Variants in TMEM201 observed in about 807,000 individuals in gnomAD.
TMEM201 encodes the protein transmembrane protein 201, also known as RP13-15M17.2.
Under a neutral mutation model 63.4 loss-of-function variants are expected in TMEM201, and 26 were observed. That is an observed-to-expected ratio of 0.41 (90% CI 0.30 to 0.57). The LOEUF (loss-of-function observed/expected upper bound fraction) is 0.57, where lower values mean the gene tolerates loss of function less well. TMEM201 is among the 20% of genes least tolerant of loss of function. TMEM201 has a pLI of 0.29. For missense variants in TMEM201, 794 were observed against 917.7 expected (o/e 0.87, Z 1.74); for synonymous variants, 417 against 421.6 (o/e 0.99, Z 0.14).
At chr1:9,598,891 C>T (rs1230933345) in intron 4 of TMEM201, among the ~76,000 whole-genome samples, 3 of 151,474 alleles carry the variant, frequency 2.0e-5, no homozygotes, top group East Asian at 1.9e-4. Flanking sequence ...TCTGGTGATC[C>T]GCCTGCCTTG....
At chr1:9,606,041 G>A (rs1245874649) in intron 6 of TMEM201, among the ~76,000 whole-genome samples, 1 of 152,210 alleles carries the variant, frequency 6.6e-6, no homozygotes, top group Non-Finnish European at 1.5e-5. Flanking sequence ...TCCCATGGAG[G>A]GTCATGCCCC....
chr1:9,604,715 C>A lies in TMEM201; in HGVS notation c.1160+2443C>A. On this transcript the variant is annotated intron_variant, in intron 6 of 10. Transcript: ENST00000340381. This position sits in a 1 kb window ranked among gnomAD's most constrained non-coding sequence, Gnocchi z 4.1. ...CCAAGCCGGCCCCCCGTACCCCTTG[C>A]CTGGGAGCAAACCGCCAGGACGCAG... The A allele has an allele frequency of 1.0e-6, 1 of 985,984 alleles. No homozygotes were observed. Among genetic ancestry groups the A allele is most frequent in the Non-Finnish European group, 1.2e-6 (1 of 830,046 alleles). 61.1% of individuals were successfully genotyped at this position (985,984 alleles called of 1,614,324 possible).
chr1:9,590,204 G>T (rs887824852), intron 1 of TMEM201, among the ~76,000 whole-genome samples: 3 of 152,102 alleles, frequency 2.0e-5, no homozygotes, highest in Non-Finnish European at 4.4e-5. Context: ...TCTCCATGTC[G>T]GTTTCTGCTG....
chr1:9,595,488 T>A (rs947334598), intron 1 of TMEM201, among the ~76,000 whole-genome samples: 1 of 151,990 alleles, frequency 6.6e-6, no homozygotes, highest in Non-Finnish European at 1.5e-5. Context: ...CTGGTCCCAG[T>A]CAGCCCTGGT....
intron 6 of TMEM201, chr1:9,602,605 C>G (rs1400617175): frequency 8.1e-7 from 1 of 1,231,188 alleles, no homozygotes; most frequent in African/African-American, 1.5e-5. Flanking sequence ...TGGCTTCCTA[C>G]TGGCAGCTCC....
At chr1:9,592,198 C>T (rs1286904727) in intron 1 of TMEM201, among the ~76,000 whole-genome samples, 1 of 149,252 alleles carries the variant, frequency 6.7e-6, no homozygotes, top group African/African-American at 2.6e-5. Flanking sequence ...CGCTGAAGCC[C>T]AGGAGGCCTC....
Position 9,610,679 on chromosome 1 carries a change from C to G in TMEM201, c.1639C>G (p.Pro547Ala). The G allele has an allele frequency of 6.4e-7, 1 of 1,550,622 alleles. No homozygotes were observed. Among genetic ancestry groups the G allele is most frequent in the Non-Finnish European group, 8.7e-7 (1 of 1,146,908 alleles). The change falls in exon 9 of 11, where the codon CCT (proline) becomes GCT (alanine). Residue 547 changes from proline to alanine, a missense_variant. Physicochemically the swap from Pro to Ala is conservative, Grantham distance 27. Transcript: ENST00000340381. The surrounding 1 kb of genome is among the most constrained non-coding windows in gnomAD (Gnocchi z 4.9). ...GQKLLLFPSP[P>A]GEAPTTPSSS... ...GAAGCTGCTGCTGTTCCCGTCACCC[C>G]CTGGAGAGGCCCCCACCACGCCCAG... is the stretch of plus-strand genomic sequence containing the variant.
In TMEM201 at chr1:9,596,968, G is replaced by A. The variant is rs768894301; in HGVS notation, c.344G>A (p.Ser115Asn). The part of the protein sequence containing the change: ...RDPSQPQQWV[S>N]SQVLLCKRCN... ...CCTTCGCAGCCGCAGCAGTGGGTGA[G>A]CAGCCAAGTCCTGCTGTGCAAGAGG... Residue 115 changes from serine to asparagine, a missense_variant, in exon 3 of 11, where the codon AGC (serine) becomes AAC (asparagine). Coordinates refer to ENST00000340381, the MANE Select transcript of TMEM201 (RefSeq NM_001130924.3). 1.9e-6 allele frequency: 3 copies of A among 1,613,104 alleles called. No individual in the cohort carries two copies. The highest frequency in any genetic ancestry group is 3.3e-5 in the Admixed American group (2 of 60,016).
In TMEM201 at chr1:9,607,815, ACAGT is replaced by A. The variant is rs1344141803; in HGVS notation, c.1393+30_1393+33del. On this transcript the variant is annotated intron_variant, in intron 7 of 10. Transcript: ENST00000340381. The surrounding 1 kb of genome is among the most constrained non-coding windows in gnomAD (Gnocchi z 5.4). ...GTAAGGGGTGCCCAGGCATTGGCAG[ACAGT>A]CAGGGCTAGGGGCAGCTGGGACAGA... 5.8e-6 allele frequency: 9 copies of A among 1,547,424 alleles called. No homozygotes were observed. In the African/African-American group the frequency reaches 6.9e-5, roughly 12 times the overall value.
Position 9,602,658 on chromosome 1 carries a change from G to A in TMEM201, c.1160+386G>A, listed in dbSNP as rs1453506767. 5.2e-6 allele frequency: 6 copies of A among 1,146,016 alleles called. No individual in the cohort carries two copies. The East Asian group carries it at 3.4e-4, about 66-fold the overall frequency. 71.0% of individuals were successfully genotyped at this position (1,146,016 alleles called of 1,614,324 possible). On this transcript the variant is annotated intron_variant, in intron 6 of 10. Transcript: ENST00000340381. ...CACGCCGTTTGCTGGCTCTGACACT[G>A]TTGGGTGAGGGTCCTGGTCCTGCTG...
intron 6 of TMEM201, 179 bp downstream of exon 6, chr1:9,602,451 T>A: frequency 1.4e-6 from 2 of 1,435,510 alleles, no homozygotes; most frequent in Non-Finnish European, 1.8e-6. Flanking sequence ...AGAGTCAGTC[T>A]GCCCTGCCTT....
At chr1:9,601,535 C>A in intron 5 of TMEM201, 81 bp downstream of exon 5, 1 of 1,338,562 alleles carries the variant, frequency 7.5e-7, no homozygotes, top group Non-Finnish European at 1.0e-6. Context: ...GCCAAGAGAC[C>A]CCATTGGGTG....
intron 6 of TMEM201, chr1:9,602,600 T>C: frequency 8.1e-7 from 1 of 1,239,886 alleles, no homozygotes; most frequent in Non-Finnish European, 1.0e-6. Flanking sequence ...GCCCATGGCT[T>C]CCTACTGGCA....
At position 9,597,062 on chromosome 1, in the gene TMEM201, G is replaced by A. The variant is rs150789257; in HGVS notation, c.429+9G>A. On this transcript the variant is annotated intron_variant, in intron 3 of 10. Coordinates refer to ENST00000340381, the MANE Select transcript of TMEM201 (RefSeq NM_001130924.3). ...TCGCTCCCCGCGAGGAGGTGAGGCC[G>A]GGTTGGGAGGGCAGGGGTCCTGGCT... is the stretch of plus-strand genomic sequence containing the variant. 29,394 of 1,593,886 alleles carry A rather than the reference G, an allele frequency of 0.018. 342 individuals carry two copies. Among genetic ancestry groups the A allele is most frequent in the Non-Finnish European group, 0.022 (25,950 of 1,166,694 alleles).
At chr1:9,598,680 C>T (rs1437323286) in intron 4 of TMEM201, 55 bp downstream of exon 4, 10 of 1,566,140 alleles carry the variant, frequency 6.4e-6, no homozygotes, top group Non-Finnish European at 6.1e-6. Context: ...GTTCAGGAAA[C>T]CCTCCCAGGA....
intron 1 of TMEM201, among the ~76,000 whole-genome samples, chr1:9,593,281 G>T (rs547093557): frequency 6.6e-6 from 1 of 152,308 alleles, no homozygotes; most frequent in East Asian, 1.9e-4. Flanking sequence ...GTCTGACGCC[G>T]CCGTGCTGGT....
At position 9,609,681 on chromosome 1, in the gene TMEM201, C is replaced by T. The variant is rs1644294400; in HGVS notation, c.1394-159C>T. Among the ~76,000 whole-genome samples, 4 of 152,192 alleles carry T rather than the reference C, an allele frequency of 2.6e-5. No individual in the cohort carries two copies. The South Asian group carries it at 8.3e-4, about 32-fold the overall frequency. On this transcript the variant is annotated intron_variant, in intron 7 of 10. Coordinates refer to ENST00000340381, the MANE Select transcript of TMEM201 (RefSeq NM_001130924.3). Reference sequence around the variant, plus strand: ...GCAAAAAGGGAACGTGCCCAGCAGCCCTCAGACAGCAGTCCGAGGAATCCG... The same window carrying T: ...GCAAAAAGGGAACGTGCCCAGCAGCTCTCAGACAGCAGTCCGAGGAATCCG...
intron 6 of TMEM201, chr1:9,602,515 G>A (rs1644165639): frequency 7.1e-7 from 1 of 1,404,052 alleles, no homozygotes; most frequent in South Asian, 1.5e-5. Context: ...ACTCACCACT[G>A]CTGCCACCTC....
At position 9,599,844 on chromosome 1, in the gene TMEM201, C is replaced by T. The variant is rs573259036; in HGVS notation, c.606+1219C>T. 3.3e-5 allele frequency among the ~76,000 whole-genome samples: 5 copies of T among 152,206 alleles called. No homozygotes were observed. The South Asian group carries it at 8.3e-4, about 25-fold the overall frequency. ...CAATCTCCTGAGCTCGTGATCCGCC[C>T]GCCTCAGCCTCCCAAAGTGCTGACA... On this transcript the variant is annotated intron_variant, in intron 4 of 10. Coordinates refer to ENST00000340381, the MANE Select transcript of TMEM201 (RefSeq NM_001130924.3).
Sources: gnomAD v4.1 joint callset for allele counts (sites outside exome capture counted in the v4.1 genomes callset) on GRCh38, gnomAD v4.1.1 for gene constraint, Gnocchi (gnomAD v3.1) non-coding constraint, MANE v1.5 for transcripts, NCBI Gene and HGNC (gene_info 2026-07-23, HGNC 2026-07-21) for gene names.